The following ANKRD26 variants were observed in gnomAD, a reference collection of about 807,000 sequenced individuals.
ANKRD26 encodes ankyrin repeat domain-containing protein 26.
A neutral mutation model predicts 208.7 loss-of-function variants in ANKRD26; 141 were observed. The ratio of observed to expected loss-of-function variants is 0.68; its 90% CI spans 0.59 to 0.78. ANKRD26 has a LOEUF of 0.78. Among genes scored for constraint, ANKRD26 ranks in the 30% least tolerant of loss-of-function variants. The pLI is 0.00. For synonymous variants in ANKRD26, 636 were observed against 660.4 expected (o/e 0.96, Z 0.57); for missense variants, 1,889 against 1,938.7 (o/e 0.97, Z 0.48).
rs1334980870 is a variant in ANKRD26, at chr10:26,995,621, G to A, written c.563-474C>T. ...CAGCCCTGAAAACCCTTTAAACGTT[G>A]ATTTTTAGTGATGGTCATGGGGAAA... is the stretch of plus-strand genomic sequence containing the variant. On this transcript the variant is annotated intron_variant, in intron 4 of 5. Transcript: ENST00000445828. Among the ~76,000 whole-genome samples the A allele has an allele frequency of 2.0e-5, 3 of 152,184 alleles. No individual in the cohort carries two copies. The East Asian group carries it at 5.8e-4, about 29-fold the overall frequency.
rs369040103 is a variant in ANKRD26 at position 27,093,452 on chromosome 10, T to A, written c.428A>T (p.Asp143Val). ...GTGAAGAGCAGTGTTGCCATGGACA[T>A]CCGCAAGATTTGGATCAGCACCATG... The part of the protein sequence containing the change: ...LEHGADPNLA[D>V]VHGNTALHYA... The change falls in exon 3 of 34, where the codon GAT becomes GTT. Residue 143 changes from aspartate to valine, a missense_variant. Asp to Val is a radical substitution (Grantham distance 152). Around this residue, in one of 3 missense-constraint regions of ANKRD26, gnomAD observed 1,272 missense variants for 1,273.8 expected, o/e 1.00. Transcript: ENST00000376087. 3 of 1,614,076 alleles carry A rather than the reference T, an allele frequency of 1.9e-6. No homozygotes were observed. The highest frequency in any genetic ancestry group is 1.7e-5 in the Admixed American group (1 of 60,000).
chr10:27,094,130 T>A (rs1366976542), intron 1 of ANKRD26, among the ~76,000 whole-genome samples: 1 of 152,176 alleles, frequency 6.6e-6, no homozygotes, highest in Non-Finnish European at 1.5e-5. Flanking sequence ...TGACACCATG[T>A]CAAGGACATG....
chr10:27,027,176 C>G (rs2053688703), intron 27 of ANKRD26, among the ~76,000 whole-genome samples: 1 of 152,192 alleles, frequency 6.6e-6, no homozygotes, highest in Non-Finnish European at 1.5e-5. Context: ...TCTGTAATGT[C>G]CTGCTGGAGC....
At chr10:26,954,755 A>G in the ANKRD26 span, among the ~76,000 whole-genome samples, 1 of 152,122 alleles carries the variant, frequency 6.6e-6, no homozygotes, top group South Asian at 2.1e-4. Context: ...TGTTTATAAA[A>G]TAAGAGTAGA....
At chr10:26,966,214 A>G in the ANKRD26 span, among the ~76,000 whole-genome samples, 1 of 152,210 alleles carries the variant, frequency 6.6e-6, no homozygotes, top group African/African-American at 2.4e-5. Context: ...TTACAATAGC[A>G]AAGACATGGA....
chr10:26,979,255 C>T (rs1317955291), intron 5 of ANKRD26, among the ~76,000 whole-genome samples: 1 of 152,066 alleles, frequency 6.6e-6, no homozygotes, highest in Admixed American at 6.6e-5. Flanking sequence ...CAAAAGGTCA[C>T]ATCAATATCC....
chr10:27,074,003 G>T (rs2055598427), intron 9 of ANKRD26, among the ~76,000 whole-genome samples: 1 of 151,388 alleles, frequency 6.6e-6, no homozygotes, highest in Admixed American at 6.6e-5. Flanking sequence ...CTCAAGGGGG[G>T]AAAAATAAAT....
chr10:27,068,077 T>C (rs904132793), intron 9 of ANKRD26, among the ~76,000 whole-genome samples: 1 of 152,202 alleles, frequency 6.6e-6, no homozygotes, highest in Non-Finnish European at 1.5e-5. Context: ...GATAGGGCCA[T>C]ACTATGAGGT....
At chr10:27,063,585 T>A (rs564422760) in intron 12 of ANKRD26, among the ~76,000 whole-genome samples, 68 of 152,300 alleles carry the variant, frequency 4.5e-4, no homozygotes, top group Non-Finnish European at 6.6e-4. Context: ...CCTCCCAAAG[T>A]GTTGGGATTA....
At chr10:26,949,225 C>A in the ANKRD26 span, among the ~76,000 whole-genome samples, 1 of 152,122 alleles carries the variant, frequency 6.6e-6, no homozygotes, top group African/African-American at 2.4e-5. Flanking sequence ...ACCTACACCT[C>A]CACACCCTTC....
rs775228598 is a variant in ANKRD26, at chr10:27,082,782, T to A, written c.740+21A>T. On this transcript the variant is annotated intron_variant, in intron 6 of 33. Coordinates refer to ENST00000376087, the MANE Select transcript of ANKRD26 (RefSeq NM_014915.3). The stretch of plus-strand genomic sequence containing the variant: ...CTCTGTATTCCTTTAAATATATTTT[T>A]AAAAATCTGTAAAATACTACCTGCT... The A allele has an allele frequency of 1.2e-5, 19 of 1,568,162 alleles. No individual in the cohort carries two copies. In the South Asian group the frequency reaches 1.9e-4, roughly 15 times the overall value.
Position 27,035,051 on chromosome 10 carries a change from C to T in ANKRD26, c.3399G>A (p.Glu1133=), listed in dbSNP as rs777714004. ...CACTTTGTAGTTGAGACAATCTCTC[C>T]TCTACAGACTCCTGCTTTCCAATGT... ...NKYIGKQESV[E]ERLSQLQSEN... is the part of the protein sequence containing the mutation. Residue 1133 remains glutamate (E), a synonymous_variant, in exon 24 of 34, where the codon GAG becomes GAA. Coordinates refer to ENST00000376087, the MANE Select transcript of ANKRD26 (RefSeq NM_014915.3). The T allele has an allele frequency of 3.7e-6, 6 of 1,613,684 alleles. No individual in the cohort carries two copies. Among genetic ancestry groups the T allele is most frequent in the Non-Finnish European group, 4.2e-6 (5 of 1,179,858 alleles).
At chr10:26,994,194 T>C (rs1004397753) in intron 5 of ANKRD26, among the ~76,000 whole-genome samples, 3 of 152,182 alleles carry the variant, frequency 2.0e-5, no homozygotes, top group Non-Finnish European at 2.9e-5. Context: ...TAAAATGTTA[T>C]GGCTAAAATC....
At chr10:27,065,297 C>G (rs1013912231) in intron 11 of ANKRD26, among the ~76,000 whole-genome samples, 10 of 152,144 alleles carry the variant, frequency 6.6e-5, no homozygotes, top group Non-Finnish European at 1.3e-4. Context: ...GCATAAGCCC[C>G]CACCTTGTAT....
intron 25 of ANKRD26, among the ~76,000 whole-genome samples, chr10:27,030,826 A>G (rs1017151169): frequency 2.0e-5 from 3 of 152,248 alleles, no homozygotes; most frequent in Non-Finnish European, 4.4e-5. Context: ...AGAAATTCTT[A>G]GTATAATATA....
chr10:27,083,826 A>C (rs548945587), intron 5 of ANKRD26, among the ~76,000 whole-genome samples: 26 of 152,232 alleles, frequency 1.7e-4, no homozygotes, highest in Non-Finnish European at 3.2e-4. Context: ...TTGTAAATAA[A>C]GGTTTACGGA....
At chr10:26,947,635 T>C in the ANKRD26 span, among the ~76,000 whole-genome samples, 9 of 152,230 alleles carry the variant, frequency 5.9e-5, no homozygotes, top group Non-Finnish European at 1.0e-4. Context: ...GGTGCCTCAG[T>C]TTATTATCAT....
intron 15 of ANKRD26, among the ~76,000 whole-genome samples, chr10:27,058,822 C>T (rs1206724916): frequency 1.3e-5 from 2 of 151,558 alleles, no homozygotes; most frequent in East Asian, 1.9e-4. Context: ...ATGATCTGCC[C>T]GCCTCAGCCT....
the ANKRD26 span, among the ~76,000 whole-genome samples, chr10:26,950,517 C>T: frequency 6.6e-6 from 1 of 152,222 alleles, no homozygotes; most frequent in Non-Finnish European, 1.5e-5. Context: ...GGACAGATTC[C>T]TCATAACTTG....
Sources: gnomAD v4.1 joint callset for allele counts (sites outside exome capture counted in the v4.1 genomes callset) on GRCh38, gnomAD v4.1.1 for gene constraint, gnomAD v4.1.1 regional missense constraint, MANE v1.5 for transcripts, NCBI Gene and HGNC (gene_info 2026-07-23, HGNC 2026-07-21) for gene names.